The following LRP1B variants were observed in gnomAD, a reference collection of about 807,000 sequenced individuals.
LRP1B encodes the protein LDL receptor related protein 1B.
LRP1B carries 217 observed loss-of-function variants against 556.6 expected under a neutral mutation model. The ratio of observed to expected loss-of-function variants is 0.39; its 90% CI spans 0.35 to 0.44. The LOEUF is 0.44. LRP1B is among the 20% of genes least tolerant of loss of function. LRP1B has a pLI of 1.00. For missense variants in LRP1B, 5,053 were observed against 5,620.8 expected (o/e 0.90, Z 3.23); for synonymous variants, 2,047 against 1,865.8 (o/e 1.10, Z -2.50).
At chr2:140,887,404 T>C (rs1347527034) in intron 23 of LRP1B, among the ~76,000 whole-genome samples, 1 of 152,172 alleles carries the variant, frequency 6.6e-6, no homozygotes, top group Non-Finnish European at 1.5e-5. Flanking sequence ...TCAGATATCA[T>C]TCAATTGCAT....
chr2:140,685,037 T>C (rs903930850), intron 41 of LRP1B, among the ~76,000 whole-genome samples: 2 of 152,182 alleles, frequency 1.3e-5, no homozygotes, highest in African/African-American at 4.8e-5. Context: ...TCCTATAGTG[T>C]CCATAGCATG....
chr2:141,638,358 CT>C (rs1238844374), intron 2 of LRP1B, among the ~76,000 whole-genome samples: 14 of 152,208 alleles, frequency 9.2e-5, no homozygotes, highest in Non-Finnish European at 1.9e-4. Context: ...GCCCGCAGAA[CT>C]GTGAGACAAA....
Position 141,212,231 on chromosome 2 carries a change from A to G in LRP1B, c.850+16952T>C, listed in dbSNP as rs1369094933. Among the ~76,000 whole-genome samples, 7 of 103,852 alleles carry G rather than the reference A, an allele frequency of 6.7e-5. No homozygotes were observed. In the East Asian group the frequency reaches 1.5e-3, roughly 23 times the overall value. 68.1% of individuals were successfully genotyped at this position (103,852 alleles called of 152,430 possible). A position where few individuals can be genotyped will look rare whatever the true frequency, so the allele number is the denominator to read the frequency against. On this transcript the variant is annotated intron_variant, in intron 6 of 90. Coordinates refer to ENST00000389484, the MANE Select transcript of LRP1B (RefSeq NM_018557.3). ...AAAATTTACTTTTCCCCCAAGATAT[A>G]TTGATCAAAAAGTCTAGATTTTTTT...
At chr2:140,741,019 A>G (rs186366751) in intron 35 of LRP1B, among the ~76,000 whole-genome samples, 16 of 152,190 alleles carry the variant, frequency 1.1e-4, no homozygotes, top group Non-Finnish European at 2.1e-4. Context: ...CTCAGAGATT[A>G]TTTGTAATCC....
chr2:141,829,092 A>G (rs891659704), intron 1 of LRP1B, among the ~76,000 whole-genome samples: 5 of 151,532 alleles, frequency 3.3e-5, no homozygotes, highest in African/African-American at 9.7e-5. Context: ...AGACATCGTT[A>G]TATGTTAGCT....
chr2:140,718,048 T>C (rs1316127414), intron 35 of LRP1B, among the ~76,000 whole-genome samples: 1 of 152,068 alleles, frequency 6.6e-6, no homozygotes, highest in Non-Finnish European at 1.5e-5. Flanking sequence ...CAAAAATAAA[T>C]CTTATTTTTG....
rs564443771 is a variant in LRP1B at position 140,658,646 on chromosome 2, G to A, written c.6799+41604C>T. The stretch of plus-strand genomic sequence containing the variant: ...CTCTATCATGTCTATTGATATGACA[G>A]TACATTAGGATCAAATGTTTTTAAC... On this transcript the variant is annotated intron_variant, in intron 41 of 90. Coordinates refer to ENST00000389484, the MANE Select transcript of LRP1B (RefSeq NM_018557.3). Among the ~76,000 whole-genome samples the A allele has an allele frequency of 5.9e-4, 89 of 151,944 alleles. 1 individual carries two copies. The highest frequency in any genetic ancestry group is 2.0e-3 in the African/African-American group (85 of 41,482).
intron 1 of LRP1B, among the ~76,000 whole-genome samples, chr2:141,923,255 TG>T (rs1226777448): frequency 6.6e-6 from 1 of 151,804 alleles, no homozygotes; most frequent in African/African-American, 2.4e-5. Context: ...CCACAAGGGA[TG>T]ATGACTTGCC....
At chr2:140,385,868 A>C (rs1683736469) in intron 67 of LRP1B, 25 bp downstream of exon 67, 2 of 1,508,944 alleles carry the variant, frequency 1.3e-6, no homozygotes, top group African/African-American at 2.8e-5. Context: ...CAAGCTCAAA[A>C]CATTATTAGG....
At chr2:140,441,691 A>G (rs1686431829) in intron 66 of LRP1B, among the ~76,000 whole-genome samples, 1 of 152,202 alleles carries the variant, frequency 6.6e-6, no homozygotes, top group Admixed American at 6.5e-5. Flanking sequence ...ACTTCTGTGA[A>G]GTCTGGGAGT....
chr2:141,306,709 T>A (rs113207056), intron 3 of LRP1B, among the ~76,000 whole-genome samples: 2 of 152,080 alleles, frequency 1.3e-5, no homozygotes, highest in African/African-American at 4.8e-5. Context: ...CATTTTTACA[T>A]AATTTATTTG....
At position 140,784,310 on chromosome 2, in the gene LRP1B, T is replaced by G. The variant is rs150581964; in HGVS notation, c.5360-8072A>C. 6.7e-5 allele frequency among the ~76,000 whole-genome samples: 10 copies of G among 149,924 alleles called. No homozygotes were observed. The East Asian group carries it at 2.0e-3, about 30-fold the overall frequency. Reference sequence around the variant, plus strand: ...TGCCCCATGTGAGATATTAAAAGGTTTCCCTATTGGGGGAAACTGTCTAGA... The same window carrying G: ...TGCCCCATGTGAGATATTAAAAGGTGTCCCTATTGGGGGAAACTGTCTAGA... On this transcript the variant is annotated intron_variant, in intron 32 of 90. Coordinates refer to ENST00000389484, the MANE Select transcript of LRP1B (RefSeq NM_018557.3).
Position 140,334,486 on chromosome 2 carries a change from T to C in LRP1B, c.12190A>G (p.Ile4064Val), listed in dbSNP as rs747612865. The C allele has an allele frequency of 1.9e-6, 3 of 1,610,946 alleles. No individual in the cohort carries two copies. The highest frequency in any genetic ancestry group is 2.5e-6 in the Non-Finnish European group (3 of 1,178,096). ...EAAMDGTLRR[I>V]LVQKNLQRPT... ...CTCTGTAAGTTCTTTTGTACTAAAATCCTTCTCAGTGTACCATCCATGGCT... is the reference window on the plus strand; with the variant it reads ...CTCTGTAAGTTCTTTTGTACTAAAACCCTTCTCAGTGTACCATCCATGGCT... Residue 4064 changes from isoleucine (I) to valine (V), a missense_variant, in exon 79 of 91, where the codon ATT (isoleucine) becomes GTT (valine). Ile to Val is a conservative substitution (Grantham distance 29). Coordinates refer to ENST00000389484, the MANE Select transcript of LRP1B (RefSeq NM_018557.3).
chr2:141,283,941 G>A (rs1365680692), intron 3 of LRP1B, among the ~76,000 whole-genome samples: 1 of 152,118 alleles, frequency 6.6e-6, no homozygotes, highest in Non-Finnish European at 1.5e-5. Context: ...AGCTTTTGCT[G>A]TTTGCTTATA....
At chr2:141,108,524 AT>A (rs1317258400) in intron 7 of LRP1B, among the ~76,000 whole-genome samples, 2 of 151,192 alleles carry the variant, frequency 1.3e-5, no homozygotes, top group Non-Finnish European at 3.0e-5. Context: ...AATTTTTTGT[AT>A]TTTTAGTAGA....
At chr2:141,749,276 G>A (rs1429518823) in intron 2 of LRP1B, among the ~76,000 whole-genome samples, 2 of 152,100 alleles carry the variant, frequency 1.3e-5, no homozygotes, top group African/African-American at 4.8e-5. Flanking sequence ...ATAGACAAGT[G>A]TGTAATAATT....
chr2:140,781,966 T>C (rs1689714091), intron 32 of LRP1B, among the ~76,000 whole-genome samples: 2 of 152,232 alleles, frequency 1.3e-5, no homozygotes, highest in African/African-American at 4.8e-5. Context: ...TGTAATTCTT[T>C]ATATTCTTCA....
chr2:140,593,906 G>A (rs1321708335), intron 43 of LRP1B, among the ~76,000 whole-genome samples: 2 of 152,052 alleles, frequency 1.3e-5, no homozygotes, highest in African/African-American at 4.8e-5. Flanking sequence ...ATAAATATGA[G>A]TTGTAAGTGT....
Position 140,514,727 on chromosome 2 carries a change from C to T in LRP1B, c.8195G>A (p.Cys2732Tyr), listed in dbSNP as rs942035801. 19 of 1,612,028 alleles carry T rather than the reference C, an allele frequency of 1.2e-5. No homozygotes were observed. Among genetic ancestry groups the T allele is most frequent in the Admixed American group, 1.7e-5 (1 of 59,890 alleles). Reference protein sequence around the residue: ...WNQFACSAQKCISKHWICDGE... With the variant: ...WNQFACSAQKYISKHWICDGE... ...ATCACAAATCCAATGCTTAGAAATACATTTTTGTGCGGAACAAGCAAATTG... is the reference window on the plus strand; with the variant it reads ...ATCACAAATCCAATGCTTAGAAATATATTTTTGTGCGGAACAAGCAAATTG... The change falls in exon 51 of 91, where the codon TGT (cysteine) becomes TAT (tyrosine). Residue 2732 changes from cysteine to tyrosine, a missense_variant. Around this residue, in one of 5 missense-constraint regions of LRP1B, gnomAD observed 3,619 missense variants for 3,931.9 expected, o/e 0.92. Coordinates refer to ENST00000389484, the MANE Select transcript of LRP1B (RefSeq NM_018557.3).
Sources: gnomAD v4.1 joint callset for allele counts (sites outside exome capture counted in the v4.1 genomes callset) on GRCh38, gnomAD v4.1.1 for gene constraint, gnomAD v4.1.1 regional missense constraint, MANE v1.5 for transcripts, NCBI Gene and HGNC (gene_info 2026-07-23, HGNC 2026-07-21) for gene names.